SOX5: variants seen among roughly 807,000 people sequenced by gnomAD.
SOX5 encodes SRY-box transcription factor 5, also known as transcription factor SOX-5.
SOX5 carries 9 observed loss-of-function variants against 92.0 expected under a neutral mutation model. That is an observed-to-expected ratio of 0.10 (90% CI 0.06 to 0.17). SOX5 has a LOEUF of 0.17. SOX5 is among the 10% of genes least tolerant of loss of function. The pLI, the probability that SOX5 is intolerant of heterozygous loss-of-function variation, is 1.00. For synonymous variants in SOX5, 344 were observed against 336.3 expected (o/e 1.02, Z -0.25); for missense variants, 642 against 944.5 (o/e 0.68, Z 4.20).
intron 6 of SOX5, among the ~76,000 whole-genome samples, chr12:23,666,906 C>A (rs575149229): frequency 6.6e-6 from 1 of 152,180 alleles, no homozygotes; most frequent in East Asian, 1.9e-4. Context: ...TTTTCCCAGT[C>A]GCATTACACA....
rs1360413264 is a variant in SOX5, at chr12:24,288,349, C to G, written c.-173-11037G>C. 2.0e-5 allele frequency among the ~76,000 whole-genome samples: 3 copies of G among 152,258 alleles called. No individual in the cohort carries two copies. The South Asian group carries it at 6.2e-4, about 32-fold the overall frequency. ...TTTCATTTAAGCCATCTGTTTTTGTCTCTTACTTTTGTTACATAAACATAA... is the reference window on the plus strand; with the variant it reads ...TTTCATTTAAGCCATCTGTTTTTGTGTCTTACTTTTGTTACATAAACATAA... On this transcript the variant is annotated intron_variant, in intron 2 of 4. Transcript: ENST00000446891.
chr12:23,954,966 T>A (rs1946104221), upstream of SOX5, among the ~76,000 whole-genome samples: 1 of 152,106 alleles, frequency 6.6e-6, no homozygotes, highest in Non-Finnish European at 1.5e-5. Context: ...TTATGAGGAA[T>A]TTCTATCTAT....
At chr12:24,368,865 AT>A (rs1281596728) in intron 1 of SOX5, among the ~76,000 whole-genome samples, 1 of 152,330 alleles carries the variant, frequency 6.6e-6, no homozygotes, top group African/African-American at 2.4e-5. Context: ...CTAAATGGTT[AT>A]TATATTACAT....
chr12:23,790,537 CTCTCAA>C lies in SOX5; in HGVS notation c.482-34819_482-34814del, dbSNP rs1245298681. ...CTCACAACTCTCTCTCTCTCTCTCTCTCTCAATCTCTCACACACACACACACACACA... is the reference window on the plus strand; with the variant it reads ...CTCACAACTCTCTCTCTCTCTCTCTCTCTCTCACACACACACACACACACA... On this transcript the variant is annotated intron_variant, in intron 3 of 14. Transcript: ENST00000451604. Among the ~76,000 whole-genome samples the C allele has an allele frequency of 5.2e-3, 555 of 107,282 alleles. 5 individuals are homozygous for C. The highest frequency in any genetic ancestry group is 0.015 in the African/African-American group (381 of 25,654). 70.4% of individuals were successfully genotyped at this position (107,282 alleles called of 152,430 possible). A position where few individuals can be genotyped will look rare whatever the true frequency, so the allele number is the denominator to read the frequency against.
chr12:23,714,735 C>A (rs575643883), intron 6 of SOX5, among the ~76,000 whole-genome samples: 2 of 151,948 alleles, frequency 1.3e-5, no homozygotes, highest in African/African-American at 4.8e-5. Flanking sequence ...CATAAAAAGC[C>A]AATGTAAAAA....
intron 4 of SOX5, among the ~76,000 whole-genome samples, chr12:24,163,303 T>G (rs996171858): frequency 2.0e-5 from 3 of 152,148 alleles, no homozygotes; most frequent in Non-Finnish European, 4.4e-5. Context: ...GTCTGTTATT[T>G]TGAAGTGCTC....
intron 4 of SOX5, among the ~76,000 whole-genome samples, chr12:24,138,906 T>C (rs1950329152): frequency 1.3e-5 from 2 of 152,188 alleles, no homozygotes; most frequent in Admixed American, 6.5e-5. Flanking sequence ...TAATAGATTA[T>C]ACCTCGACTC....
intron 4 of SOX5, among the ~76,000 whole-genome samples, chr12:24,086,688 C>T (rs1307379533): frequency 1.3e-5 from 2 of 152,068 alleles, no homozygotes; most frequent in Admixed American, 6.6e-5. Context: ...TATATTCTTT[C>T]TATGGAGTTT....
At chr12:24,556,058 A>G in intron 1 of SOX5, among the ~76,000 whole-genome samples, 1 of 152,144 alleles carries the variant, frequency 6.6e-6, no homozygotes, top group Admixed American at 6.5e-5. Flanking sequence ...CAAACCTTTC[A>G]TAGGCTGCAC....
At chr12:23,717,363 A>G (rs2092566768) in intron 6 of SOX5, among the ~76,000 whole-genome samples, 1 of 152,182 alleles carries the variant, frequency 6.6e-6, no homozygotes, top group Non-Finnish European at 1.5e-5. Context: ...AGATGTAGCA[A>G]ATATAGTCTG....
At chr12:24,360,441 C>T (rs1230006600) in intron 2 of SOX5, among the ~76,000 whole-genome samples, 4 of 152,074 alleles carry the variant, frequency 2.6e-5, no homozygotes, top group African/African-American at 9.7e-5. Context: ...GGAAAATCAG[C>T]TCAAATTATC....
intron 4 of SOX5, among the ~76,000 whole-genome samples, chr12:24,082,888 T>C (rs970333159): frequency 2.0e-5 from 3 of 151,976 alleles, no homozygotes; most frequent in Non-Finnish European, 4.4e-5. Flanking sequence ...GTATACCTCA[T>C]CTCATTTGCT....
At chr12:24,323,391 C>A (rs1274536806) in intron 2 of SOX5, among the ~76,000 whole-genome samples, 3 of 151,322 alleles carry the variant, frequency 2.0e-5, no homozygotes, top group Non-Finnish European at 4.4e-5. Context: ...GAGTGAGATT[C>A]AAAATTCTAG....
At chr12:23,623,784 A>G (rs1024454787) in intron 8 of SOX5, among the ~76,000 whole-genome samples, 1 of 152,106 alleles carries the variant, frequency 6.6e-6, no homozygotes, top group African/African-American at 2.4e-5. Flanking sequence ...TAACAATCAT[A>G]AAAAAAGAAA....
At chr12:24,171,217 GT>G (rs71059985) in intron 4 of SOX5, among the ~76,000 whole-genome samples, 14,172 of 42,230 alleles carry the variant, frequency 0.34, 2,286 homozygotes, top group East Asian at 0.62. Flanking sequence ...AGTTTTTTTT[GT>G]TTGTTTGTTT....
chr12:24,382,658 A>G (rs1323012620), intron 1 of SOX5, among the ~76,000 whole-genome samples: 1 of 152,204 alleles, frequency 6.6e-6, no homozygotes, highest in Non-Finnish European at 1.5e-5. Context: ...GGAGAAGTCC[A>G]GTTAGGAGCC....
intron 4 of SOX5, among the ~76,000 whole-genome samples, chr12:23,991,197 A>G (rs1204960852): frequency 6.6e-6 from 1 of 151,706 alleles, no homozygotes; most frequent in African/African-American, 2.4e-5. Context: ...CTGCAAAAAA[A>G]AAAAAAACTT....
chr12:24,440,492 T>C (rs1940315169), intron 1 of SOX5, among the ~76,000 whole-genome samples: 1 of 152,124 alleles, frequency 6.6e-6, no homozygotes, highest in Non-Finnish European at 1.5e-5. Flanking sequence ...CTTCTTACCT[T>C]TGCATGCTTA....
At chr12:24,377,566 T>C (rs971337410) in intron 1 of SOX5, among the ~76,000 whole-genome samples, 9 of 152,240 alleles carry the variant, frequency 5.9e-5, no homozygotes, top group Non-Finnish European at 2.9e-5. Context: ...CATTTTATTC[T>C]AAAGATAAGA....
Sources: gnomAD v4.1 joint callset for allele counts (sites outside exome capture counted in the v4.1 genomes callset) on GRCh38, gnomAD v4.1.1 for gene constraint, MANE v1.5 for transcripts, NCBI Gene and HGNC (gene_info 2026-07-23, HGNC 2026-07-21) for gene names.